Variants in SP4 observed in about 807,000 individuals in gnomAD.
The protein encoded by SP4 is Sp4 transcription factor, also known as transcription factor Sp4.
Under a neutral mutation model 72.8 loss-of-function variants are expected in SP4, and 19 were observed. The observed-to-expected ratio is 0.26, with a 90% CI of 0.18 to 0.38. SP4 has a LOEUF of 0.38. SP4 is among the 10% of genes least tolerant of loss of function. SP4 has a pLI of 1.00. For missense variants in SP4, 1,008 were observed against 926.3 expected (o/e 1.09, Z -1.14); for synonymous variants, 395 against 333.1 (o/e 1.19, Z -2.02).
intron 3 of SP4, among the ~76,000 whole-genome samples, chr7:21,462,454 C>T (rs186336207): frequency 1.8e-4 from 28 of 152,108 alleles, no homozygotes; most frequent in Admixed American, 5.9e-4. Flanking sequence ...TCTGGATGAC[C>T]ATGAAAGTGC....
At chr7:21,449,460 T>G (rs1783524000) in intron 3 of SP4, among the ~76,000 whole-genome samples, 8 of 152,214 alleles carry the variant, frequency 5.3e-5, no homozygotes, top group Admixed American at 5.2e-4. Flanking sequence ...ATTAAGAAAG[T>G]ATTAAATACT....
intron 5 of SP4, among the ~76,000 whole-genome samples, chr7:21,490,889 A>C (rs766619546): frequency 6.6e-6 from 1 of 152,238 alleles, no homozygotes; most frequent in African/African-American, 2.4e-5. Flanking sequence ...AGAGGGCAAG[A>C]TGGAACTTTT....
chr7:21,504,720 T>TG (rs1488552909), intron 5 of SP4, among the ~76,000 whole-genome samples: 2 of 152,236 alleles, frequency 1.3e-5, no homozygotes, highest in Non-Finnish European at 2.9e-5. Context: ...TCATATTTTA[T>TG]GAAGAACGTG....
chr7:21,502,802 A>C (rs1694776714), intron 5 of SP4, among the ~76,000 whole-genome samples: 2 of 152,064 alleles, frequency 1.3e-5, no homozygotes, highest in Admixed American at 1.3e-4. Flanking sequence ...TGAGTTTTTG[A>C]TGAGTTTGAG....
At chr7:21,475,184 G>A (rs1784463760) in intron 3 of SP4, among the ~76,000 whole-genome samples, 1 of 150,154 alleles carries the variant, frequency 6.7e-6, no homozygotes, top group South Asian at 2.1e-4. Context: ...GCACAATTTC[G>A]GCTCACTGAA....
chr7:21,429,784 A>G lies in SP4; in HGVS notation c.619A>G (p.Ile207Val). Residue 207 changes from isoleucine (I) to valine (V), a missense_variant, in exon 3 of 6, where the codon ATA (isoleucine) becomes GTA (valine). Around this residue, in one of 3 missense-constraint regions of SP4, gnomAD observed 893 missense variants for 743.3 expected, o/e 1.20. Transcript: ENST00000222584. ...QLISAGNNQAILTAANRTASG... is the reference protein window; with the variant it reads ...QLISAGNNQAVLTAANRTASG... ...CATTTCTGCAGGTAATAATCAAGCT[A>G]TACTCACAGCTGCTAACAGGACAGC... The G allele has an allele frequency of 9.3e-6, 15 of 1,614,194 alleles. No individual in the cohort carries two copies. The highest frequency in any genetic ancestry group is 1.3e-5 in the African/African-American group (1 of 75,064).
At chr7:21,450,006 A>G (rs1042763330) in intron 3 of SP4, among the ~76,000 whole-genome samples, 2 of 151,894 alleles carry the variant, frequency 1.3e-5, no homozygotes, top group Admixed American at 6.5e-5. Context: ...TAATATAGTT[A>G]TTTATATTTT....
At position 21,428,179 on chromosome 7, in the gene SP4, T is replaced by TGCCCCC; in HGVS notation, c.-73_-72insGCCCCC. 5.0e-6 allele frequency: 3 copies of TGCCCCC among 600,790 alleles called. No homozygotes were observed. Among genetic ancestry groups the TGCCCCC allele is most frequent in the Non-Finnish European group, 6.3e-6 (2 of 315,454 alleles). The allele number at this position is 600,790 out of a possible 1,614,324, so 37.2% of individuals were successfully genotyped here. On this transcript the variant is annotated 5_prime_UTR_variant, in exon 1 of 6. Coordinates refer to ENST00000222584, the MANE Select transcript of SP4 (RefSeq NM_003112.5). ...GCGGGCGGGCGGGACCGGCCTCTCC[T>TGCCCCC]CCCGCCTCGCCCCCACCCCCACCCA...
intron 4 of SP4, among the ~76,000 whole-genome samples, chr7:21,479,764 G>A (rs775223094): frequency 1.5e-4 from 23 of 152,116 alleles, no homozygotes; most frequent in African/African-American, 5.6e-4. Flanking sequence ...CTATGCACAT[G>A]GGAAGTATTT....
In SP4 at chr7:21,428,322, C is replaced by T. The variant is rs528844796; in HGVS notation, c.7+64C>T. 5,887 of 828,546 alleles carry T rather than the reference C, an allele frequency of 7.1e-3. 32 individuals are homozygous for T. Among genetic ancestry groups the T allele is most frequent in the Middle Eastern group, 0.013 (58 of 4,602 alleles). 51.3% of individuals were successfully genotyped at this position (828,546 alleles called of 1,614,324 possible). ...TCCCTCTCTCCCTCCCTCCCCAGAC[C>T]CTGCTCGGTTCTCCCCCCTCCCCCG... is the stretch of plus-strand genomic sequence containing the variant. On this transcript the variant is annotated intron_variant, in intron 1 of 5. Coordinates refer to ENST00000222584, the MANE Select transcript of SP4 (RefSeq NM_003112.5).
intron 3 of SP4, among the ~76,000 whole-genome samples, chr7:21,435,561 A>C (rs1480142390): frequency 2.6e-5 from 4 of 152,138 alleles, no homozygotes; most frequent in African/African-American, 7.2e-5. Context: ...ATGTTTTATT[A>C]ATTTGGATTT....
chr7:21,433,903 A>G (rs2128390592), intron 3 of SP4, among the ~76,000 whole-genome samples: 1 of 152,188 alleles, frequency 6.6e-6, no homozygotes, highest in South Asian at 2.1e-4. Flanking sequence ...AGATCGCGCC[A>G]TTGCACTTCA....
At chr7:21,461,933 A>G (rs2128402562) in intron 3 of SP4, among the ~76,000 whole-genome samples, 1 of 152,350 alleles carries the variant, frequency 6.6e-6, no homozygotes, top group South Asian at 2.1e-4. Flanking sequence ...TGACGATGTC[A>G]GACCAAGGAC....
chr7:21,507,575 T>G (rs1782030960), intron 5 of SP4, among the ~76,000 whole-genome samples: 1 of 152,186 alleles, frequency 6.6e-6, no homozygotes, highest in African/African-American at 2.4e-5. Flanking sequence ...AATTCCTTGA[T>G]CCAGCAGAGA....
chr7:21,472,840 ATG>A (rs1784391089), intron 3 of SP4, among the ~76,000 whole-genome samples: 1 of 152,052 alleles, frequency 6.6e-6, no homozygotes, highest in African/African-American at 2.4e-5. Context: ...GGTTTCTGAA[ATG>A]TAGGAAGTTA....
At chr7:21,434,129 C>A (rs1026318631) in intron 3 of SP4, among the ~76,000 whole-genome samples, 1 of 152,066 alleles carries the variant, frequency 6.6e-6, no homozygotes, top group Admixed American at 6.6e-5. Context: ...TCATGTTGTT[C>A]CCCAGGAGAA....
chr7:21,458,630 A>G (rs1232456288), intron 3 of SP4, among the ~76,000 whole-genome samples: 6 of 152,078 alleles, frequency 3.9e-5, no homozygotes, highest in Non-Finnish European at 8.8e-5. Context: ...AAATTAATAT[A>G]ATAATTTTTT....
At chr7:21,462,734 T>A (rs1170801875) in intron 3 of SP4, among the ~76,000 whole-genome samples, 1 of 152,230 alleles carries the variant, frequency 6.6e-6, no homozygotes, top group Non-Finnish European at 1.5e-5. Flanking sequence ...TTACACCTGG[T>A]CTTTGGGGGC....
At chr7:21,486,129 C>CT (rs1010045721) in intron 5 of SP4, among the ~76,000 whole-genome samples, 3 of 150,548 alleles carry the variant, frequency 2.0e-5, no homozygotes, top group African/African-American at 7.3e-5. Flanking sequence ...TGTCACAGCT[C>CT]TATTTTCTTT....
Sources: allele counts gnomAD v4.1 joint callset (sites outside exome capture counted in the v4.1 genomes callset), GRCh38; gene constraint gnomAD v4.1.1; regional missense constraint gnomAD v4.1.1; transcripts MANE v1.5; gene names NCBI Gene and HGNC (gene_info 2026-07-23, HGNC 2026-07-21).